Variants in NIBAN2 observed in about 807,000 individuals in gnomAD.
The protein encoded by NIBAN2 is protein Niban 2.
A neutral mutation model predicts 81.8 loss-of-function variants in NIBAN2; 36 were observed. That is an observed-to-expected ratio of 0.44 (90% CI 0.34 to 0.58). The LOEUF is 0.58. Ranked by LOEUF, NIBAN2 falls within the 20% of genes least tolerant of loss-of-function variation. NIBAN2 has a pLI of 0.02. For missense variants in NIBAN2, 897 were observed against 1,014.1 expected (o/e 0.88, Z 1.57); for synonymous variants, 445 against 441.6 (o/e 1.01, Z -0.10).
intron 8 of NIBAN2, among the ~76,000 whole-genome samples, chr9:127,513,748 G>A (rs972966115): frequency 7.2e-5 from 11 of 152,142 alleles, no homozygotes; most frequent in African/African-American, 2.7e-4. Flanking sequence ...AGCAGCCCTC[G>A]TGCTCTGTCT....
intron 5 of NIBAN2, among the ~76,000 whole-genome samples, chr9:127,520,481 A>G (rs1564299808): frequency 6.6e-6 from 1 of 151,866 alleles, no homozygotes; most frequent in East Asian, 1.9e-4. Context: ...CAAGAGATCC[A>G]CCCACCTCAG....
rs757510801 is a variant in NIBAN2, at chr9:127,566,062, G to T, written c.55+2758C>A. Among the ~76,000 whole-genome samples the T allele has an allele frequency of 6.6e-5, 10 of 151,854 alleles. No individual in the cohort carries two copies. The South Asian group carries it at 2.1e-3, about 32-fold the overall frequency. The stretch of plus-strand genomic sequence containing the variant: ...TGGGAGGATCACTTGAGCCCAGGAG[G>T]TCGAGGCTGCAATTAGCTATGATGA... On this transcript the variant is annotated intron_variant, in intron 1 of 13. Transcript: ENST00000373312.
chr9:127,569,178 C>A, upstream of NIBAN2: 2 of 673,778 alleles, frequency 3.0e-6, no homozygotes, highest in Non-Finnish European at 3.6e-6. Flanking sequence ...CTGCCCTGCG[C>A]CCGCCGCGTC....
In NIBAN2 at chr9:127,517,300, C is replaced by T. The variant is rs759019823; in HGVS notation, c.706-84G>A. ...CTCTCTGCATTCCCACAAGCCAGGC[C>T]GCTGCAGCCCCCACCTCCTCCGCGA... is the stretch of plus-strand genomic sequence containing the variant. On this transcript the variant is annotated intron_variant, in intron 6 of 13. Coordinates refer to ENST00000373312, the MANE Select transcript of NIBAN2 (RefSeq NM_022833.4). The surrounding 1 kb of genome is among the most constrained non-coding windows in gnomAD (Gnocchi z 4.0). 42 of 1,161,768 alleles carry T rather than the reference C, an allele frequency of 3.6e-5. No homozygotes were observed. Among genetic ancestry groups the T allele is most frequent in the Middle Eastern group, 2.8e-4 (1 of 3,588 alleles). 72.0% of individuals were successfully genotyped at this position (1,161,768 alleles called of 1,614,324 possible). A position where few individuals can be genotyped will look rare whatever the true frequency, so the allele number is the denominator to read the frequency against.
chr9:127,574,212 T>C (rs1837982076), intron 1 of NIBAN2, among the ~76,000 whole-genome samples: 1 of 152,076 alleles, frequency 6.6e-6, no homozygotes, highest in Non-Finnish European at 1.5e-5. Context: ...GTGGCAATGG[T>C]CTACATCTGG....
intron 5 of NIBAN2, among the ~76,000 whole-genome samples, chr9:127,520,590 C>T (rs1048678976): frequency 1.3e-5 from 2 of 152,052 alleles, no homozygotes; most frequent in African/African-American, 4.8e-5. Flanking sequence ...GAGGATGGGA[C>T]CAAATCCAAT....
rs576435438 is a variant in NIBAN2, at chr9:127,563,526, A to AT, written c.55+5293dup. On this transcript the variant is annotated intron_variant, in intron 1 of 13. Coordinates refer to ENST00000373312, the MANE Select transcript of NIBAN2 (RefSeq NM_022833.4). The surrounding 1 kb of genome is among the most constrained non-coding windows in gnomAD (Gnocchi z 4.1). ...CCACTTCCCAAATGTTGAGAGGTAGATTTTTTTTTTTTTTGAGACAGAGTC... is the reference window on the plus strand; with the variant it reads ...CCACTTCCCAAATGTTGAGAGGTAGATTTTTTTTTTTTTTTGAGACAGAGTC... 0.22 allele frequency among the ~76,000 whole-genome samples: 32,890 copies of AT among 146,366 alleles called. 3,756 individuals are homozygous for AT. The highest frequency in any genetic ancestry group is 0.28 in the East Asian group (1,391 of 4,966).
chr9:127,550,397 G>A (rs371731366), intron 1 of NIBAN2, among the ~76,000 whole-genome samples: 1 of 152,214 alleles, frequency 6.6e-6, no homozygotes, highest in Non-Finnish European at 1.5e-5. Context: ...TTGCCAGCTC[G>A]CTCACACAGG....
intron 1 of NIBAN2, among the ~76,000 whole-genome samples, chr9:127,552,639 CTGAG>C (rs1416740708): frequency 2.0e-5 from 3 of 150,058 alleles, no homozygotes; most frequent in South Asian, 2.1e-4. Flanking sequence ...AGGGCTTTGA[CTGAG>C]TAAGTTAAAA....
chr9:127,569,065 G>T lies in NIBAN2; in HGVS notation c.-191C>A, dbSNP rs2132243999. On this transcript the variant is annotated 5_prime_UTR_variant, in exon 1 of 14. Transcript: ENST00000373312. The stretch of plus-strand genomic sequence containing the variant: ...CCGGTCGGGCCCCGTCCCTCCAGCC[G>T]GCCGCCTTGGCCCCCTCCCTGCCCT... 1 of 1,066,002 alleles carries T rather than the reference G, an allele frequency of 9.4e-7. No individual in the cohort carries two copies. The highest frequency in any genetic ancestry group is 1.1e-6 in the Non-Finnish European group (1 of 887,956). 66.0% of individuals were successfully genotyped at this position (1,066,002 alleles called of 1,614,324 possible).
chr9:127,551,708 T>G (rs1308204227), intron 1 of NIBAN2, among the ~76,000 whole-genome samples: 1 of 150,644 alleles, frequency 6.6e-6, no homozygotes, highest in Non-Finnish European at 1.5e-5. Context: ...AGAGCAAAAC[T>G]CCATCTTAAA....
At chr9:127,569,861 G>C (rs1031559434), upstream of NIBAN2, among the ~76,000 whole-genome samples, 1 of 152,338 alleles carries the variant, frequency 6.6e-6, no homozygotes, top group African/African-American at 2.4e-5. Flanking sequence ...AAAGGAAAAA[G>C]CAGTAGCACT....
intron 2 of NIBAN2, among the ~76,000 whole-genome samples, chr9:127,529,133 T>C (rs565497182): frequency 1.8e-4 from 28 of 152,162 alleles, no homozygotes; most frequent in Admixed American, 3.3e-4. Context: ...TATTTTAGAC[T>C]CTGCGAAGCT....
intron 8 of NIBAN2, 35 bp from the exon 9 acceptor site, chr9:127,510,368 C>T (rs1836713794): frequency 2.6e-6 from 4 of 1,545,320 alleles, no homozygotes; most frequent in African/African-American, 1.4e-5. Context: ...GCAGGGGCTC[C>T]CCAAGGAGCA....
intron 1 of NIBAN2, among the ~76,000 whole-genome samples, chr9:127,541,703 AAGG>A (rs914470515): frequency 6.6e-6 from 1 of 152,154 alleles, no homozygotes; most frequent in Non-Finnish European, 1.5e-5. Flanking sequence ...GCAGGCCAGG[AAGG>A]AGGAGGACAG....
At chr9:127,515,520 C>CAAAAA (rs60740827) in intron 8 of NIBAN2, among the ~76,000 whole-genome samples, 2 of 90,496 alleles carry the variant, frequency 2.2e-5, no homozygotes, top group East Asian at 3.4e-4. Flanking sequence ...GACTCCGTCT[C>CAAAAA]AAAAAAAAAA....
intron 1 of NIBAN2, among the ~76,000 whole-genome samples, chr9:127,554,830 A>G (rs963002635): frequency 1.3e-5 from 2 of 151,922 alleles, no homozygotes; most frequent in Non-Finnish European, 2.9e-5. Flanking sequence ...CAGCCTCCCA[A>G]AGTGCTGGGA....
intron 1 of NIBAN2, among the ~76,000 whole-genome samples, chr9:127,554,542 CTTTTTCTTTT>C (rs1837631663): frequency 9.3e-6 from 1 of 108,104 alleles, no homozygotes; most frequent in African/African-American, 3.8e-5. Flanking sequence ...TTTTCTTTTT[CTTTTTCTTTT>C]TTTTTTTTTT....
intron 5 of NIBAN2, 83 bp from the exon 6 acceptor site, chr9:127,518,024 C>T (rs1202128232): frequency 3.9e-6 from 3 of 774,564 alleles, no homozygotes; most frequent in Non-Finnish European, 6.2e-6. Flanking sequence ...TGACCAAAAC[C>T]CCCCCCACAC....
Sources: gnomAD v4.1 joint callset for allele counts (sites outside exome capture counted in the v4.1 genomes callset) on GRCh38, gnomAD v4.1.1 for gene constraint, Gnocchi (gnomAD v3.1) non-coding constraint, MANE v1.5 for transcripts, NCBI Gene and HGNC (gene_info 2026-07-23, HGNC 2026-07-21) for gene names.